Variants in PPP3CC observed in about 807,000 individuals in gnomAD.
The protein encoded by PPP3CC is serine/threonine-protein phosphatase 2B catalytic subunit gamma isoform.
A neutral mutation model predicts 60.3 loss-of-function variants in PPP3CC; 35 were observed. The ratio of observed to expected loss-of-function variants is 0.58; its 90% confidence interval spans 0.44 to 0.77. The LOEUF is 0.77. Ranked by LOEUF, PPP3CC falls within the 30% of genes least tolerant of loss-of-function variation. The pLI is 0.00. For synonymous variants in PPP3CC, 206 were observed against 224.3 expected (o/e 0.92, Z 0.73); for missense variants, 570 against 628.9 (o/e 0.91, Z 1.00).
At chr8:22,534,752 A>G (rs974803315) in intron 12 of PPP3CC, among the ~76,000 whole-genome samples, 10 of 152,266 alleles carry the variant, frequency 6.6e-5, no homozygotes, top group African/African-American at 2.4e-4. Context: ...AATAAACTGT[A>G]TTCTATTTAT....
chr8:22,490,547 C>T (rs1838370154), intron 3 of PPP3CC, among the ~76,000 whole-genome samples: 1 of 151,780 alleles, frequency 6.6e-6, no homozygotes, highest in African/African-American at 2.4e-5. Context: ...TGGTGTGCTG[C>T]ACCCATTAAC....
chr8:22,446,612 T>G (rs1301081388), intron 1 of PPP3CC, among the ~76,000 whole-genome samples: 2 of 151,856 alleles, frequency 1.3e-5, no homozygotes, highest in Non-Finnish European at 2.9e-5. Flanking sequence ...TCACCTGAGG[T>G]CCGGCCAACG....
intron 1 of PPP3CC, among the ~76,000 whole-genome samples, chr8:22,473,574 C>T (rs902608904): frequency 9.9e-5 from 15 of 151,692 alleles, no homozygotes; most frequent in African/African-American, 3.6e-4. Context: ...AGCAATTCTT[C>T]TGCCTCAGCC....
chr8:22,456,473 G>A (rs1879793), intron 1 of PPP3CC, among the ~76,000 whole-genome samples: 78,019 of 151,866 alleles, frequency 0.51, 20,513 homozygotes, highest in East Asian at 0.69. Context: ...TGTAAAGGGA[G>A]GTCCCAAACA....
At chr8:22,525,527 TTTCTTTCTTTCTCTCC>T (rs1486636878) in intron 8 of PPP3CC, among the ~76,000 whole-genome samples, 1,605 of 105,652 alleles carry the variant, frequency 0.015, 29 homozygotes, top group African/African-American at 0.046. Flanking sequence ...TCTTTCTTTC[TTTCTTTCTTTCTCTCC>T]CTCTCTCTCT....
Position 22,540,961 on chromosome 8 carries a change from A to G in PPP3CC, c.*159A>G. On this transcript the variant is annotated 3_prime_UTR_variant, in exon 14 of 14. Coordinates refer to ENST00000240139, the MANE Select transcript of PPP3CC (RefSeq NM_005605.5). Reference sequence around the variant, plus strand: ...CTGTAAAAAGGTGGCTGTTTTATAAATTCTTTTAATTTATGTTCAATATAT... The same window carrying G: ...CTGTAAAAAGGTGGCTGTTTTATAAGTTCTTTTAATTTATGTTCAATATAT... 1 of 592,584 alleles carries G rather than the reference A, an allele frequency of 1.7e-6. No homozygotes were observed. The highest frequency in any genetic ancestry group is 1.9e-5 in the African/African-American group (1 of 52,080). 36.7% of individuals were successfully genotyped at this position (592,584 alleles called of 1,614,324 possible). A position where few individuals can be genotyped will look rare whatever the true frequency, so the allele number is the denominator to read the frequency against.
chr8:22,466,187 T>C (rs1487171252), intron 1 of PPP3CC, among the ~76,000 whole-genome samples: 5 of 152,228 alleles, frequency 3.3e-5, no homozygotes, highest in Non-Finnish European at 7.3e-5. Context: ...TATGGCTGCA[T>C]AGTATTCCAT....
intron 3 of PPP3CC, among the ~76,000 whole-genome samples, chr8:22,477,451 G>GT (rs1381136032): frequency 6.7e-6 from 1 of 149,010 alleles, no homozygotes; most frequent in Non-Finnish European, 1.5e-5. Flanking sequence ...TCCAGCCTGG[G>GT]TGACAGAGCA....
chr8:22,489,240 G>C (rs1838308508), intron 3 of PPP3CC, among the ~76,000 whole-genome samples: 1 of 152,044 alleles, frequency 6.6e-6, no homozygotes, highest in South Asian at 2.1e-4. Flanking sequence ...GGATTTCAAA[G>C]TCTTTCCTTT....
At chr8:22,441,914 G>C (rs1221444222) in intron 1 of PPP3CC, among the ~76,000 whole-genome samples, 2 of 152,056 alleles carry the variant, frequency 1.3e-5, no homozygotes, top group Non-Finnish European at 2.9e-5. Context: ...CTAGATCATT[G>C]CAAGTCACTG....
chr8:22,536,602 A>G (rs920763947), intron 12 of PPP3CC, among the ~76,000 whole-genome samples: 2 of 152,224 alleles, frequency 1.3e-5, no homozygotes, highest in African/African-American at 2.4e-5. Flanking sequence ...TGATACTTCC[A>G]AAGTTGATAG....
chr8:22,469,414 A>G (rs529223923), intron 1 of PPP3CC, among the ~76,000 whole-genome samples: 4 of 152,306 alleles, frequency 2.6e-5, no homozygotes, highest in Admixed American at 2.0e-4. Flanking sequence ...AGTAGATTCA[A>G]TGTTTGATAG....
At chr8:22,503,327 A>G (rs543589626) in intron 4 of PPP3CC, among the ~76,000 whole-genome samples, 85 of 152,232 alleles carry the variant, frequency 5.6e-4, no homozygotes, top group Non-Finnish European at 7.4e-4. Flanking sequence ...TAACACCTTC[A>G]TTTCTTACCT....
chr8:22,460,275 A>G (rs992494666), intron 1 of PPP3CC, among the ~76,000 whole-genome samples: 6 of 152,200 alleles, frequency 3.9e-5, no homozygotes, highest in African/African-American at 1.4e-4. Context: ...AATGTTTACA[A>G]TCAATACTTG....
intron 9 of PPP3CC, 47 bp downstream of exon 9, chr8:22,527,564 C>T: frequency 6.3e-7 from 1 of 1,591,244 alleles, no homozygotes; most frequent in Non-Finnish European, 8.6e-7. Context: ...GGTGACTGAG[C>T]ATACCTTATA....
At chr8:22,476,345 A>G (rs1167928521) in intron 3 of PPP3CC, among the ~76,000 whole-genome samples, 1 of 152,190 alleles carries the variant, frequency 6.6e-6, no homozygotes, top group African/African-American at 2.4e-5. Flanking sequence ...AGCGTGGGTA[A>G]TAGGATTTGT....
At chr8:22,459,453 T>TTG (rs1345685307) in intron 1 of PPP3CC, among the ~76,000 whole-genome samples, 1 of 104,908 alleles carries the variant, frequency 9.5e-6, no homozygotes, top group Admixed American at 9.6e-5. Flanking sequence ...TATCACTTTG[T>TTG]TATGTGTGTG....
intron 1 of PPP3CC, 147 bp downstream of exon 1, chr8:22,441,605 C>G (rs1836673643): frequency 4.6e-6 from 4 of 862,088 alleles, no homozygotes; most frequent in Non-Finnish European, 6.3e-6. Context: ...CGGCAGCCTC[C>G]GAGAGCAGCC....
chr8:22,529,597 C>T (rs1012369905), intron 10 of PPP3CC, among the ~76,000 whole-genome samples: 7 of 152,118 alleles, frequency 4.6e-5, no homozygotes, highest in African/African-American at 1.7e-4. Context: ...GATTCTCCTG[C>T]CTTAGCCTCA....
Sources: allele counts gnomAD v4.1 joint callset (sites outside exome capture counted in the v4.1 genomes callset), GRCh38; gene constraint gnomAD v4.1.1; transcripts MANE v1.5; gene names NCBI Gene and HGNC (gene_info 2026-07-23, HGNC 2026-07-21).